HIRA: variants seen among roughly 807,000 people sequenced by gnomAD.
HIRA encodes the protein histone cell cycle regulator.
HIRA carries 13 observed loss-of-function variants against 126.6 expected under a neutral mutation model. The ratio of observed to expected loss-of-function variants is 0.10; its 90% CI spans 0.07 to 0.16. HIRA has a LOEUF of 0.16. Among genes scored for constraint, HIRA ranks in the 10% least tolerant of loss-of-function variants. HIRA has a pLI of 1.00. For synonymous variants in HIRA, 511 were observed against 520.0 expected, an observed-to-expected ratio of 0.98 and a Z score of 0.24; for missense variants, 834 against 1,314.4, an observed-to-expected ratio of 0.63 and a Z score of 5.65.
At position 19,378,065 on chromosome 22, in the gene HIRA, C is replaced by A; in HGVS notation, c.1417G>T (p.Asp473Tyr). The A allele has an allele frequency of 6.4e-7, 1 of 1,562,560 alleles. No homozygotes were observed. Among genetic ancestry groups the A allele is most frequent in the Non-Finnish European group, 8.7e-7 (1 of 1,151,330 alleles). Residue 473 changes from aspartate to tyrosine, a missense_variant and splice_region_variant, in exon 14 of 25, where the codon GAC becomes TAC. Asp to Tyr is a radical substitution (Grantham distance 160). Transcript: ENST00000263208. ...PLCIAQLDTG[D>Y]FSTAFFNSIP... Reference sequence around the variant, plus strand: ...CTGTTAAAGAATGCCGTGGAGAAGTCCCTGTCATCAAGTAAGAACAAAAGT... The same window carrying A: ...CTGTTAAAGAATGCCGTGGAGAAGTACCTGTCATCAAGTAAGAACAAAAGT...
intron 5 of HIRA, among the ~76,000 whole-genome samples, chr22:19,398,545 C>A (rs1193137376): frequency 6.6e-6 from 1 of 152,216 alleles, no homozygotes; most frequent in Non-Finnish European, 1.5e-5. Flanking sequence ...CATCTTGAGG[C>A]CCTCGTCTGG....
rs1296348133 is a variant in HIRA at position 19,351,021 on chromosome 22, G to A, written c.2937+337C>T. On this transcript the variant is annotated intron_variant, in intron 24 of 24. Coordinates refer to ENST00000263208, the MANE Select transcript of HIRA (RefSeq NM_003325.4). This position sits in a 1 kb window ranked among gnomAD's most constrained non-coding sequence, Gnocchi z 4.8. ...ATTTTGTTGACCTAACTGCCTCCCTGTTTATGTGTGCATCCCTACCAGACC... is the reference window on the plus strand; with the variant it reads ...ATTTTGTTGACCTAACTGCCTCCCTATTTATGTGTGCATCCCTACCAGACC... The A allele has an allele frequency of 2.0e-6, 1 of 491,668 alleles. No individual in the cohort carries two copies. Among genetic ancestry groups the A allele is most frequent in the Non-Finnish European group, 2.6e-6 (1 of 379,040 alleles). The allele number at this position is 491,668 out of a possible 1,614,324, so 30.5% of individuals were successfully genotyped here.
chr22:19,338,638 T>C (rs1328756127), intron 24 of HIRA, among the ~76,000 whole-genome samples: 1 of 151,916 alleles, frequency 6.6e-6, no homozygotes, highest in Non-Finnish European at 1.5e-5. Flanking sequence ...TCCATGCAAA[T>C]ACAAACCAAA....
intron 1 of HIRA, among the ~76,000 whole-genome samples, chr22:19,430,651 G>A (rs1040956713): frequency 1.3e-5 from 2 of 151,638 alleles, no homozygotes; most frequent in African/African-American, 4.8e-5. Context: ...GGGAGGGGGA[G>A]GCGCGCTTTT....
Position 19,331,332 on chromosome 22 carries a change from C to T in HIRA, c.*108G>A. 6.3e-7 allele frequency: 1 copy of T among 1,598,120 alleles called. No individual in the cohort carries two copies. The highest frequency in any genetic ancestry group is 8.5e-7 in the Non-Finnish European group (1 of 1,177,886). ...TGGTGCAGGACAGCACATCTCCTGC[C>T]AGTGTCTCCTCCCCCTACAGCCTGG... On this transcript the variant is annotated 3_prime_UTR_variant, in exon 25 of 25. Transcript: ENST00000263208.
At chr22:19,398,444 G>A (rs1280368208) in intron 5 of HIRA, among the ~76,000 whole-genome samples, 1 of 152,172 alleles carries the variant, frequency 6.6e-6, no homozygotes, top group East Asian at 1.9e-4. Context: ...TCCTCCGAGA[G>A]CCTTCTGAGC....
intron 24 of HIRA, among the ~76,000 whole-genome samples, chr22:19,347,943 TAAAC>T (rs757520054): frequency 6.6e-6 from 1 of 151,820 alleles, no homozygotes; most frequent in Non-Finnish European, 1.5e-5. Flanking sequence ...CGTCTCAAAA[TAAAC>T]AAACAAAACA....
chr22:19,407,305 A>T (rs1340431622), intron 3 of HIRA, 31 bp from the exon 4 acceptor site: 1 of 1,552,422 alleles, frequency 6.4e-7, no homozygotes, highest in East Asian at 2.2e-5. Context: ...GGTGATGAAA[A>T]TCCAGTAGTC....
intron 1 of HIRA, among the ~76,000 whole-genome samples, chr22:19,415,001 A>C (rs2089384358): frequency 6.6e-6 from 1 of 152,130 alleles, no homozygotes; most frequent in Non-Finnish European, 1.5e-5. Flanking sequence ...GCTGGAGTGC[A>C]GTAACGCAAT....
At chr22:19,332,014 A>G (rs2088494337) in intron 24 of HIRA, among the ~76,000 whole-genome samples, 1 of 152,230 alleles carries the variant, frequency 6.6e-6, no homozygotes, top group Non-Finnish European at 1.5e-5. Context: ...CAGCAACACA[A>G]ATGAGGTGCC....
intron 1 of HIRA, among the ~76,000 whole-genome samples, chr22:19,413,604 T>TATTC (rs1214990796): frequency 7.0e-6 from 1 of 142,146 alleles, no homozygotes; most frequent in Non-Finnish European, 1.5e-5. Flanking sequence ...ACTATTTATT[T>TATTC]ATTTATTTAT....
At position 19,355,800 on chromosome 22, in the gene HIRA, C is replaced by G. The variant is rs369016927; in HGVS notation, c.2521G>C (p.Asp841His). ...GGATTAAAGCAGTACGCCTTCCCAT[C>G]GGACAGGTTCATTACTGGGATTCCA... Reference protein sequence around the residue: ...QHGIPVMNLSDGKAYCFNPSL... With the variant: ...QHGIPVMNLSHGKAYCFNPSL... The change falls in exon 21 of 25, where the codon GAT becomes CAT. Residue 841 changes from aspartate to histidine, a missense_variant. Asp to His is a moderately conservative substitution (Grantham distance 81, BLOSUM62 -1). Transcript: ENST00000263208. The G allele has an allele frequency of 6.2e-7, 1 of 1,613,944 alleles. No individual in the cohort carries two copies. The highest frequency in any genetic ancestry group is 2.2e-5 in the East Asian group (1 of 44,896).
chr22:19,339,653 A>G (rs1255634763), intron 24 of HIRA, among the ~76,000 whole-genome samples: 1 of 151,258 alleles, frequency 6.6e-6, no homozygotes, highest in Admixed American at 6.6e-5. Flanking sequence ...AAAAAAAAAG[A>G]TCCAATTAAG....
At chr22:19,401,836 C>A (rs1042268830) in intron 5 of HIRA, among the ~76,000 whole-genome samples, 1 of 152,148 alleles carries the variant, frequency 6.6e-6, no homozygotes, top group African/African-American at 2.4e-5. Flanking sequence ...AGCCCTGAGA[C>A]CCCCATGGTA....
At chr22:19,343,439 T>C (rs1405177720) in intron 24 of HIRA, among the ~76,000 whole-genome samples, 2 of 151,980 alleles carry the variant, frequency 1.3e-5, no homozygotes, top group Non-Finnish European at 2.9e-5. Context: ...GGCGCACATC[T>C]GTGGTCCCAG....
chr22:19,361,653 A>G, intron 16 of HIRA, 74 bp downstream of exon 16: 1 of 1,472,010 alleles, frequency 6.8e-7, no homozygotes, highest in Middle Eastern at 2.4e-4. Context: ...GAGGCTTACC[A>G]TGCACACAGG....
At chr22:19,334,346 C>T (rs1226911709) in intron 24 of HIRA, among the ~76,000 whole-genome samples, 2 of 150,370 alleles carry the variant, frequency 1.3e-5, no homozygotes, top group Non-Finnish European at 3.0e-5. Flanking sequence ...TTTTTTAAGA[C>T]ATTTATTTTA....
In HIRA at chr22:19,407,287, A is replaced by G. The variant is rs1318160355; in HGVS notation, c.212-13T>C. 2 of 1,607,246 alleles carry G rather than the reference A, an allele frequency of 1.2e-6. No homozygotes were observed. The highest frequency in any genetic ancestry group is 1.1e-5 in the South Asian group (1 of 90,950). On this transcript the variant is annotated splice_polypyrimidine_tract_variant and intron_variant, in intron 3 of 24. Coordinates refer to ENST00000263208, the MANE Select transcript of HIRA (RefSeq NM_003325.4). ...CAGTTCACACATGCTGGGAAGAAAA[A>G]AAAATAAGGTGATGAAAATCCAGTA...
intron 9 of HIRA, among the ~76,000 whole-genome samples, chr22:19,391,495 T>C (rs2089181398): frequency 6.6e-6 from 1 of 151,394 alleles, no homozygotes; most frequent in African/African-American, 2.4e-5. Flanking sequence ...TTTTTTTTTT[T>C]TTTTGAGACG....
Sources: allele counts gnomAD v4.1 joint callset (sites outside exome capture counted in the v4.1 genomes callset), GRCh38; gene constraint gnomAD v4.1.1; non-coding constraint Gnocchi (gnomAD v3.1); transcripts MANE v1.5; gene names NCBI Gene and HGNC (gene_info 2026-07-23, HGNC 2026-07-21).